COPA: variants seen among roughly 807,000 people sequenced by gnomAD.
The protein encoded by COPA is coat protein complex I subunit alpha.
COPA carries 10 observed loss-of-function variants against 158.7 expected under a neutral mutation model. The ratio of observed to expected loss-of-function variants is 0.06; its 90% CI spans 0.04 to 0.11. COPA has a LOEUF of 0.11. Among genes scored for constraint, COPA ranks in the 10% least tolerant of loss-of-function variants. The pLI, the probability that COPA is intolerant of heterozygous loss-of-function variation, is 1.00. For synonymous variants in COPA, 462 were observed against 542.8 expected, an observed-to-expected ratio of 0.85 and a Z score of 2.07; for missense variants, 1,065 against 1,536.7, an observed-to-expected ratio of 0.69 and a Z score of 5.13.
intron 8 of COPA, among the ~76,000 whole-genome samples, chr1:160,319,092 T>A (rs1270542294): frequency 6.6e-6 from 1 of 151,984 alleles, no homozygotes; most frequent in African/African-American, 2.4e-5. Flanking sequence ...AGGCATAGAG[T>A]GGCTAAACGG....
At position 160,325,520 on chromosome 1, in the gene COPA, C is replaced by A. The variant is rs781505388; in HGVS notation, c.606+23G>T. 3.8e-6 allele frequency: 6 copies of A among 1,583,774 alleles called. 1 individual carries two copies. In the South Asian group the frequency reaches 4.4e-5, roughly 12 times the overall value. ...TCCCAAGATGACAGCCCATATTCAG[C>A]CCCTGGCTATAAAGATAAGTACCTC... On this transcript the variant is annotated intron_variant, in intron 7 of 32. Transcript: ENST00000241704.
At chr1:160,314,215 A>G (rs956221816) in intron 8 of COPA, 90 bp from the exon 9 acceptor site, 3 of 1,406,170 alleles carry the variant, frequency 2.1e-6, no homozygotes, top group Non-Finnish European at 2.9e-6. Context: ...TCAAGAACTA[A>G]GTACTATTAC....
intron 1 of COPA, 75 bp downstream of exon 1, chr1:160,343,049 ACCTCTAC>A: frequency 6.4e-7 from 1 of 1,555,390 alleles, no homozygotes; most frequent in South Asian, 1.1e-5. Context: ...TTCGACCAAC[ACCTCTAC>A]CCATTTTCTC....
At chr1:160,315,181 T>C (rs1044652039) in intron 8 of COPA, among the ~76,000 whole-genome samples, 1 of 152,146 alleles carries the variant, frequency 6.6e-6, no homozygotes, top group African/African-American at 2.4e-5. Context: ...CCCCAACTCA[T>C]GGTTTCTACA....
chr1:160,338,572 C>CT (rs1297657595), intron 3 of COPA, among the ~76,000 whole-genome samples: 3 of 152,198 alleles, frequency 2.0e-5, no homozygotes, highest in Non-Finnish European at 4.4e-5. Context: ...GTCTCTGGCT[C>CT]TAACTTTTGC....
intron 4 of COPA, among the ~76,000 whole-genome samples, chr1:160,334,687 T>C (rs761239591): frequency 8.5e-5 from 13 of 152,206 alleles, no homozygotes; most frequent in Non-Finnish European, 1.8e-4. Context: ...GGAGATCCTG[T>C]CAGGGTGCAA....
intron 21 of COPA, 28 bp downstream of exon 21, chr1:160,297,315 A>T: frequency 6.2e-7 from 1 of 1,600,420 alleles, no homozygotes; most frequent in Non-Finnish European, 8.6e-7. Flanking sequence ...TCAGACCCTG[A>T]AAAAGCTGGC....
At chr1:160,294,972 T>A in intron 23 of COPA, 115 bp from the exon 24 acceptor site, 1 of 749,388 alleles carries the variant, frequency 1.3e-6, no homozygotes, top group Non-Finnish European at 2.2e-6. Flanking sequence ...TCTGCCTACT[T>A]ACTATTTATT....
chr1:160,298,176 C>T (rs188057590), intron 19 of COPA, among the ~76,000 whole-genome samples: 42 of 149,778 alleles, frequency 2.8e-4, no homozygotes, highest in African/African-American at 4.7e-4. Flanking sequence ...AGCGAGACTC[C>T]GCCTCAAAAA....
intron 21 of COPA, among the ~76,000 whole-genome samples, chr1:160,296,512 T>C (rs770681954): frequency 3.9e-5 from 6 of 152,196 alleles, no homozygotes; most frequent in Non-Finnish European, 7.4e-5. Context: ...ACATGGGGGC[T>C]GCCAATGGCC....
intron 25 of COPA, among the ~76,000 whole-genome samples, chr1:160,294,114 G>A (rs1403066026): frequency 2.0e-5 from 3 of 152,152 alleles, no homozygotes. Context: ...AGGATAGATG[G>A]AAGTGACAAG....
intron 13 of COPA, among the ~76,000 whole-genome samples, chr1:160,308,487 T>C (rs1432693005): frequency 2.0e-5 from 3 of 152,228 alleles, no homozygotes; most frequent in Non-Finnish European, 4.4e-5. Context: ...GACCTGGTAC[T>C]AGCCATAAAC....
At chr1:160,331,316 A>T (rs550502303) in intron 6 of COPA, among the ~76,000 whole-genome samples, 1 of 152,256 alleles carries the variant, frequency 6.6e-6, no homozygotes, top group African/African-American at 2.4e-5. Flanking sequence ...AACTATCCAT[A>T]ATCTATAAAT....
intron 17 of COPA, among the ~76,000 whole-genome samples, chr1:160,304,952 G>A (rs1557864321): frequency 1.3e-5 from 2 of 151,992 alleles, no homozygotes; most frequent in Non-Finnish European, 2.9e-5. Context: ...CAAAATATTG[G>A]GCAAAATATG....
At chr1:160,294,937 T>C in intron 23 of COPA, 80 bp from the exon 24 acceptor site, 1 of 1,210,920 alleles carries the variant, frequency 8.3e-7, no homozygotes, top group South Asian at 1.3e-5. Context: ...GCAGGTTAAA[T>C]CCTTTCAAAA....
intron 6 of COPA, among the ~76,000 whole-genome samples, chr1:160,331,965 A>T (rs1236005060): frequency 6.6e-6 from 1 of 152,014 alleles, no homozygotes; most frequent in Non-Finnish European, 1.5e-5. Context: ...AAAAAAAGGT[A>T]TTCTGGACAT....
Position 160,305,689 on chromosome 1 carries a change from G to A in COPA, c.1527C>T (p.His509=), listed in dbSNP as rs772265510. 9.3e-6 allele frequency: 15 copies of A among 1,613,964 alleles called. No homozygotes were observed. The highest frequency in any genetic ancestry group is 3.3e-5 in the Admixed American group (2 of 59,996). The change falls in exon 16 of 33, where the codon CAC becomes CAT. Residue 509 remains histidine (H), a splice_region_variant and synonymous_variant. Coordinates refer to ENST00000241704, the MANE Select transcript of COPA (RefSeq NM_004371.4). ...AGGGTGGATATAATGAAGACTCACCGTGTTTGGCTAGTAGTGCTACATGTG... is the reference window on the plus strand; with the variant it reads ...AGGGTGGATATAATGAAGACTCACCATGTTTGGCTAGTAGTGCTACATGTG... ...DMSHVALLAK[H]AIVICNRKLD...
chr1:160,313,559 C>T (rs373291286), intron 9 of COPA, among the ~76,000 whole-genome samples: 167 of 152,156 alleles, frequency 1.1e-3, no homozygotes, highest in African/African-American at 3.8e-3. Context: ...GGACTACAGG[C>T]GCCCGCCACC....
rs753717416 is a variant in COPA at position 160,290,482 on chromosome 1, C to A, written c.3615+10G>T. On this transcript the variant is annotated intron_variant, in intron 32 of 32. Transcript: ENST00000241704. ...ATATCCTAGATATATTTATTGAGGA[C>A]AGTACTTACTGTGGTGACCCTGCAG... The A allele has an allele frequency of 2.5e-6, 4 of 1,613,310 alleles. No individual in the cohort carries two copies. Among genetic ancestry groups the A allele is most frequent in the Non-Finnish European group, 3.4e-6 (4 of 1,179,460 alleles).
Sources: allele counts gnomAD v4.1 joint callset (sites outside exome capture counted in the v4.1 genomes callset), GRCh38; gene constraint gnomAD v4.1.1; transcripts MANE v1.5; gene names NCBI Gene and HGNC (gene_info 2026-07-23, HGNC 2026-07-21).